Variants in ATXN1 observed in about 807,000 individuals in gnomAD.
ATXN1 encodes the protein ataxin 1.
In ATXN1, 8 loss-of-function variants were observed where a neutral mutation model predicts 56.4. The observed-to-expected ratio is 0.14, with a 90% CI of 0.08 to 0.26. The LOEUF (loss-of-function observed/expected upper bound fraction) is 0.26. Among genes scored for constraint, ATXN1 ranks in the 10% least tolerant of loss-of-function variants. The pLI is 1.00. For synonymous variants in ATXN1, 514 were observed against 494.6 expected, an observed-to-expected ratio of 1.04 and a Z score of -0.52; for missense variants, 987 against 1,106.5, an observed-to-expected ratio of 0.89 and a Z score of 1.53.
intron 2 of ATXN1, among the ~76,000 whole-genome samples, chr6:16,748,663 C>T (rs955567954): frequency 2.6e-5 from 4 of 152,164 alleles, no homozygotes; most frequent in African/African-American, 9.7e-5. Flanking sequence ...TGGCATAATG[C>T]GTCTCATACA....
chr6:16,479,006 G>A (rs1416332282), intron 6 of ATXN1, among the ~76,000 whole-genome samples: 1 of 152,276 alleles, frequency 6.6e-6, no homozygotes, highest in East Asian at 1.9e-4. Flanking sequence ...ATCACAAGAT[G>A]CTGTTTAAAA....
chr6:16,678,377 T>C (rs919625090), intron 2 of ATXN1, among the ~76,000 whole-genome samples: 4 of 152,254 alleles, frequency 2.6e-5, no homozygotes, highest in African/African-American at 7.2e-5. Context: ...TTACTAACAA[T>C]GCCACATAGT....
Position 16,339,773 on chromosome 6 carries a change from T to C in ATXN1, c.-160-11303A>G, listed in dbSNP as rs137966768. 2.6e-3 allele frequency among the ~76,000 whole-genome samples: 402 copies of C among 152,136 alleles called. 3 individuals are homozygous for C. The highest frequency in any genetic ancestry group is 9.2e-3 in the African/African-American group (382 of 41,502). ...CTTGGGTTGTGTAGTGGGTCATTAGTGTGTAGTGAAGAATTTTTTTTCTTT... is the reference window on the plus strand; with the variant it reads ...CTTGGGTTGTGTAGTGGGTCATTAGCGTGTAGTGAAGAATTTTTTTTCTTT... On this transcript the variant is annotated intron_variant, in intron 6 of 7. Transcript: ENST00000436367.
In ATXN1 at chr6:16,327,872, G is replaced by A; in HGVS notation, c.439C>T (p.Leu147=). ...ACGGGGTTGGCGGTTGGGGGGATCA[G>A]CTGTGATGGGATGAAGCTGGCATAG... ...GTYASFIPSQ[L]IPPTANPVTS... Residue 147 remains leucine, a synonymous_variant, in exon 7 of 8, where the codon CTG becomes TTG. Transcript: ENST00000436367. The A allele has an allele frequency of 6.2e-7, 1 of 1,607,314 alleles. No individual in the cohort carries two copies. Among genetic ancestry groups the A allele is most frequent in the East Asian group, 2.2e-5 (1 of 44,886 alleles).
In ATXN1 at chr6:16,412,368, C is replaced by T. The variant is rs1488714835; in HGVS notation, c.-161+73604G>A. Among the ~76,000 whole-genome samples the T allele has an allele frequency of 2.0e-5, 3 of 152,170 alleles. No individual in the cohort carries two copies. The East Asian group carries it at 5.8e-4, about 29-fold the overall frequency. On this transcript the variant is annotated intron_variant, in intron 6 of 7. Coordinates refer to ENST00000436367, the MANE Select transcript of ATXN1 (RefSeq NM_001128164.2). ...TCCCTTATCATCTAAAGGGTTACTA[C>T]TAGACTACATCCTTTTCTGCTTTAT...
intron 5 of ATXN1, among the ~76,000 whole-genome samples, chr6:16,515,247 T>C (rs939002388): frequency 1.3e-5 from 2 of 152,090 alleles, no homozygotes; most frequent in African/African-American, 2.4e-5. Context: ...CAGTCTCTTT[T>C]TTCTCCACCA....
At chr6:16,441,258 C>A (rs80251478) in intron 6 of ATXN1, among the ~76,000 whole-genome samples, 5,817 of 151,940 alleles carry the variant, frequency 0.038, 355 homozygotes, top group African/African-American at 0.13. Context: ...AATAATTTAG[C>A]CAAAGTGAAG....
chr6:16,693,269 T>C (rs1212219940), intron 2 of ATXN1, among the ~76,000 whole-genome samples: 1 of 152,186 alleles, frequency 6.6e-6, no homozygotes, highest in Admixed American at 6.5e-5. Flanking sequence ...GTCTCCGCCA[T>C]TGATCTACTG....
intron 7 of ATXN1, among the ~76,000 whole-genome samples, chr6:16,310,602 A>T (rs902521346): frequency 1.3e-5 from 2 of 151,882 alleles, no homozygotes; most frequent in African/African-American, 4.8e-5. Flanking sequence ...CCTGCCTCAG[A>T]CTCCCAAGTA....
At chr6:16,344,756 C>A (rs1761341218) in intron 6 of ATXN1, among the ~76,000 whole-genome samples, 1 of 152,190 alleles carries the variant, frequency 6.6e-6, no homozygotes, top group South Asian at 2.1e-4. Context: ...AGGACTTGAC[C>A]TTTTGATCAT....
intron 3 of ATXN1, among the ~76,000 whole-genome samples, chr6:16,641,214 A>G (rs1262193872): frequency 6.6e-6 from 1 of 152,216 alleles, no homozygotes; most frequent in East Asian, 1.9e-4. Context: ...TTATCCAGAA[A>G]ATTTAACTAA....
chr6:16,743,194 T>A (rs1144699), intron 2 of ATXN1, among the ~76,000 whole-genome samples: 1 of 152,132 alleles, frequency 6.6e-6, no homozygotes, highest in African/African-American at 2.4e-5. Flanking sequence ...TCAATAATAA[T>A]AGTGTTTTGT....
intron 3 of ATXN1, among the ~76,000 whole-genome samples, chr6:16,643,753 G>C (rs925658065): frequency 9.2e-5 from 14 of 152,034 alleles, no homozygotes; most frequent in African/African-American, 3.4e-4. Context: ...ACTCCAAAGA[G>C]GCACATGAAA....
chr6:16,355,308 C>A (rs1325393630), intron 6 of ATXN1, among the ~76,000 whole-genome samples: 1 of 152,178 alleles, frequency 6.6e-6, no homozygotes, highest in Admixed American at 6.5e-5. Context: ...AGTGGTAATC[C>A]AATTTTACGG....
intron 2 of ATXN1, among the ~76,000 whole-genome samples, chr6:16,740,082 C>G (rs1434679734): frequency 6.6e-6 from 1 of 152,108 alleles, no homozygotes; most frequent in African/African-American, 2.4e-5. Flanking sequence ...AATGAGGTTT[C>G]CAGATATAAA....
intron 4 of ATXN1, among the ~76,000 whole-genome samples, chr6:16,527,921 A>G (rs1174930861): frequency 6.6e-6 from 1 of 151,546 alleles, no homozygotes; most frequent in Non-Finnish European, 1.5e-5. Flanking sequence ...GCTTTGCCCA[A>G]CTCTCTCGTG....
At position 16,440,638 on chromosome 6, in the gene ATXN1, C is replaced by CT. The variant is rs1759495186; in HGVS notation, c.-161+45333dup. Among the ~76,000 whole-genome samples, 17 of 22,374 alleles carry CT rather than the reference C, an allele frequency of 7.6e-4. 1 individual carries two copies. The highest frequency in any genetic ancestry group is 4.6e-3 in the Admixed American group (9 of 1,946). The allele number at this position is 22,374 out of a possible 152,430, so 14.7% of individuals were successfully genotyped here. Reference sequence around the variant, plus strand: ...CCTGGGAAACAGAGTGAGACCCTGTCTTAAAAAAAAAAAAGAAAAGAAAAG... The same window carrying CT: ...CCTGGGAAACAGAGTGAGACCCTGTCTTTAAAAAAAAAAAAGAAAAGAAAAG... On this transcript the variant is annotated intron_variant, in intron 6 of 7. Transcript: ENST00000436367.
intron 7 of ATXN1, among the ~76,000 whole-genome samples, chr6:16,313,854 G>A (rs1479299810): frequency 2.0e-5 from 3 of 152,290 alleles, no homozygotes; most frequent in Admixed American, 6.5e-5. Flanking sequence ...GAGTCACCGC[G>A]CCCACCTGGC....
At chr6:16,690,985 G>A (rs958926096) in intron 2 of ATXN1, among the ~76,000 whole-genome samples, 4 of 152,230 alleles carry the variant, frequency 2.6e-5, no homozygotes, top group Admixed American at 1.3e-4. Flanking sequence ...AAGAAAGGGA[G>A]ATAAGAAGGA....
Sources: gnomAD v4.1 joint callset for allele counts (sites outside exome capture counted in the v4.1 genomes callset) on GRCh38, gnomAD v4.1.1 for gene constraint, MANE v1.5 for transcripts, NCBI Gene and HGNC (gene_info 2026-07-23, HGNC 2026-07-21) for gene names.